Variants in INTS4 observed in about 807,000 individuals in gnomAD.
The protein encoded by INTS4 is integrator complex subunit 4, also known as MSTP093.
A neutral mutation model predicts 119.5 loss-of-function variants in INTS4; 70 were observed. The observed-to-expected ratio is 0.59, with a 90% confidence interval of 0.48 to 0.71. The LOEUF is 0.71. Among genes scored for constraint, INTS4 ranks in the 30% least tolerant of loss-of-function variants. The pLI, the probability that INTS4 is intolerant of heterozygous loss-of-function variation, is 0.00. For missense variants in INTS4, 867 were observed against 1,173.2 expected, an observed-to-expected ratio of 0.74 and a Z score of 3.81; for synonymous variants, 316 against 419.6, an observed-to-expected ratio of 0.75 and a Z score of 3.02.
At position 77,923,459 on chromosome 11, in the gene INTS4, C is replaced by CCCA. The variant is rs1953415839; in HGVS notation, c.1515-989_1515-988insTGG. Reference sequence around the variant, plus strand: ...ACTTATTGGCTAAGATATTTTTAATCAGATTGTCTTTTTTATTTGTGGGCA... The same window carrying CCCA: ...ACTTATTGGCTAAGATATTTTTAATCCCAAGATTGTCTTTTTTATTTGTGGGCA... On this transcript the variant is annotated intron_variant, in intron 12 of 22. Coordinates refer to ENST00000534064, the MANE Select transcript of INTS4 (RefSeq NM_033547.4). Among the ~76,000 whole-genome samples the CCCA allele has an allele frequency of 2.0e-5, 3 of 151,954 alleles. No homozygotes were observed. The South Asian group carries it at 6.2e-4, about 32-fold the overall frequency.
At chr11:77,925,212 A>G (rs1591063923) in intron 11 of INTS4, among the ~76,000 whole-genome samples, 2 of 152,172 alleles carry the variant, frequency 1.3e-5, no homozygotes, top group African/African-American at 2.4e-5. Flanking sequence ...AGAGGCTGGG[A>G]ATGGCCAGTT....
Position 77,919,346 on chromosome 11 carries a change from G to A in INTS4, c.1765-368C>T, listed in dbSNP as rs11237320. On this transcript the variant is annotated intron_variant, in intron 14 of 22. Transcript: ENST00000534064. ...CACTCTTGTTGCCCAGAGTGCAATG[G>A]TACCATCTCGGCTCACTGCAACCTC... Among the ~76,000 whole-genome samples, 269 of 152,054 alleles carry A rather than the reference G, an allele frequency of 1.8e-3. 1 individual carries two copies. The highest frequency in any genetic ancestry group is 6.4e-3 in the African/African-American group (265 of 41,478).
At chr11:77,986,388 G>A (rs1426211207) in intron 2 of INTS4, among the ~76,000 whole-genome samples, 8 of 152,138 alleles carry the variant, frequency 5.3e-5, no homozygotes, top group Admixed American at 5.2e-4. Flanking sequence ...TTACACTGTT[G>A]GGAGTGTAAA....
intron 10 of INTS4, among the ~76,000 whole-genome samples, chr11:77,937,766 A>G (rs1350345629): frequency 6.7e-6 from 1 of 149,168 alleles, no homozygotes; most frequent in Non-Finnish European, 1.5e-5. Flanking sequence ...AGTCTCTTGG[A>G]AAAAAAAAAC....
At chr11:77,913,294 C>G (rs1953128655) in intron 15 of INTS4, among the ~76,000 whole-genome samples, 1 of 151,064 alleles carries the variant, frequency 6.6e-6, no homozygotes, top group African/African-American at 2.4e-5. Context: ...GTTAAATAAG[C>G]CAGTTAGTTT....
chr11:77,911,011 C>T (rs1953076642), intron 15 of INTS4: 6 of 1,288,870 alleles, frequency 4.7e-6, no homozygotes, highest in African/African-American at 1.5e-5. Flanking sequence ...GTTTCAGGGC[C>T]GGCATAACAC....
chr11:77,922,302 G>C lies in INTS4; in HGVS notation c.1630+54C>G, dbSNP rs1006107024. On this transcript the variant is annotated intron_variant, in intron 13 of 22. Transcript: ENST00000534064. ...CTACCCTAGCTATACTGCAGAAGGA[G>C]ATGCCAAAGCTGCCTGCCAACACAT... 4 of 1,541,872 alleles carry C rather than the reference G, an allele frequency of 2.6e-6. No individual in the cohort carries two copies. In the African/African-American group the frequency reaches 4.1e-5, roughly 16 times the overall value.
intron 15 of INTS4, among the ~76,000 whole-genome samples, chr11:77,912,672 T>A (rs1953116062): frequency 6.6e-6 from 1 of 152,226 alleles, no homozygotes; most frequent in South Asian, 2.1e-4. Context: ...AGTAGCTTAG[T>A]AGAGCAAAAA....
intron 10 of INTS4, among the ~76,000 whole-genome samples, chr11:77,931,384 G>A (rs1313076327): frequency 2.6e-5 from 4 of 152,130 alleles, no homozygotes; most frequent in Non-Finnish European, 5.9e-5. Flanking sequence ...TCCCAGAACT[G>A]TATAAATGTG....
chr11:77,929,558 G>A lies in INTS4; in HGVS notation c.1166-1011C>T, dbSNP rs368533506. 3.3e-5 allele frequency among the ~76,000 whole-genome samples: 5 copies of A among 152,260 alleles called. No homozygotes were observed. The East Asian group carries it at 5.8e-4, about 18-fold the overall frequency. Reference sequence around the variant, plus strand: ...TAAAGTAGACTAAATATCATTGTTCGAATTTTAGAGGTAAGATTCAGCAAT... The same window carrying A: ...TAAAGTAGACTAAATATCATTGTTCAAATTTTAGAGGTAAGATTCAGCAAT... On this transcript the variant is annotated intron_variant, in intron 10 of 22. Coordinates refer to ENST00000534064, the MANE Select transcript of INTS4 (RefSeq NM_033547.4).
intron 8 of INTS4, among the ~76,000 whole-genome samples, chr11:77,950,987 C>T (rs1252018718): frequency 6.7e-6 from 1 of 150,166 alleles, no homozygotes; most frequent in African/African-American, 2.5e-5. Context: ...GATTTTTTGT[C>T]CTTGTGATAG....
At chr11:77,926,857 A>G (rs1195995381) in intron 11 of INTS4, among the ~76,000 whole-genome samples, 1 of 151,838 alleles carries the variant, frequency 6.6e-6, no homozygotes, top group Non-Finnish European at 1.5e-5. Flanking sequence ...AAGGAAAGGA[A>G]AGGAAAAGAA....
At position 77,982,521 on chromosome 11, in the gene INTS4, G is replaced by A. The variant is rs572610260; in HGVS notation, c.247-945C>T. Among the ~76,000 whole-genome samples, 13 of 152,140 alleles carry A rather than the reference G, an allele frequency of 8.5e-5. No homozygotes were observed. In the East Asian group the frequency reaches 1.4e-3, roughly 16 times the overall value. The stretch of plus-strand genomic sequence containing the variant: ...CTGTCTGAGTGTAAGTCTTGTGCCT[G>A]GGCCCCAGCTGCAGGGGAGACTGAC... On this transcript the variant is annotated intron_variant, in intron 2 of 22. Coordinates refer to ENST00000534064, the MANE Select transcript of INTS4 (RefSeq NM_033547.4).
intron 6 of INTS4, among the ~76,000 whole-genome samples, chr11:77,959,573 G>A (rs1360958764): frequency 6.6e-6 from 1 of 151,918 alleles, no homozygotes; most frequent in Admixed American, 6.6e-5. Flanking sequence ...TACGATCCAA[G>A]TTTCCTTTGA....
At chr11:77,984,524 T>C (rs1036832768) in intron 2 of INTS4, among the ~76,000 whole-genome samples, 1 of 141,138 alleles carries the variant, frequency 7.1e-6, no homozygotes, top group African/African-American at 2.6e-5. Context: ...AGGTAGATGG[T>C]GGTTGCCAGG....
chr11:77,923,633 C>T (rs1953420782), intron 12 of INTS4, among the ~76,000 whole-genome samples: 1 of 152,028 alleles, frequency 6.6e-6, no homozygotes, highest in South Asian at 2.1e-4. Flanking sequence ...AAATAACTAA[C>T]ATAAAGTACT....
At chr11:77,987,830 G>A (rs955573077) in intron 2 of INTS4, 3 of 317,898 alleles carry the variant, frequency 9.4e-6, no homozygotes, top group Admixed American at 8.4e-5. Flanking sequence ...CAGTGATCAC[G>A]CCATTGCACT....
intron 16 of INTS4, among the ~76,000 whole-genome samples, chr11:77,905,600 C>T (rs1238018626): frequency 6.6e-6 from 1 of 152,146 alleles, no homozygotes; most frequent in Non-Finnish European, 1.5e-5. Flanking sequence ...AATGTTGAAA[C>T]TTCCTCGATA....
intron 8 of INTS4, among the ~76,000 whole-genome samples, chr11:77,944,489 G>C (rs1954001335): frequency 6.6e-6 from 1 of 152,178 alleles, no homozygotes; most frequent in Non-Finnish European, 1.5e-5. Context: ...TCAGAGATCA[G>C]CTCCTCCAAG....
Sources: allele counts gnomAD v4.1 joint callset (sites outside exome capture counted in the v4.1 genomes callset), GRCh38; gene constraint gnomAD v4.1.1; transcripts MANE v1.5; gene names NCBI Gene and HGNC (gene_info 2026-07-23, HGNC 2026-07-21).